The following KSR2 variants were observed in gnomAD, a reference collection of about 807,000 sequenced individuals.
KSR2 encodes the protein kinase suppressor of ras 2.
KSR2 carries 25 observed loss-of-function variants against 107.8 expected under a neutral mutation model. That is an observed-to-expected ratio of 0.23 (90% CI 0.17 to 0.32). The LOEUF (loss-of-function observed/expected upper bound fraction) is 0.32. Among genes scored for constraint, KSR2 ranks in the 10% least tolerant of loss-of-function variants. The pLI is 1.00. For missense variants in KSR2, 887 were observed against 1,268.9 expected (o/e 0.70, Z 4.57); for synonymous variants, 480 against 507.0 (o/e 0.95, Z 0.71).
At chr12:117,699,931 G>A (rs1886234397) in intron 4 of KSR2, among the ~76,000 whole-genome samples, 1 of 152,036 alleles carries the variant, frequency 6.6e-6, no homozygotes, top group Non-Finnish European at 1.5e-5. Context: ...GGAGTGCAGT[G>A]GCGCGACCTT....
At chr12:117,778,391 GA>G (rs1889769899) in intron 3 of KSR2, among the ~76,000 whole-genome samples, 1 of 152,120 alleles carries the variant, frequency 6.6e-6, no homozygotes, top group Admixed American at 6.6e-5. Flanking sequence ...GCACCCGGCC[GA>G]AACAATCCTT....
intron 5 of KSR2, among the ~76,000 whole-genome samples, chr12:117,586,594 A>AAG (rs1880007107): frequency 1.3e-5 from 2 of 149,174 alleles, no homozygotes; most frequent in South Asian, 2.2e-4. Flanking sequence ...AAAAAAAAAA[A>AAG]AAGAAGAAGA....
chr12:117,539,885 G>A lies in KSR2; in HGVS notation c.1521C>T (p.Asp507=). The change falls in exon 10 of 20, where the codon GAC becomes GAT. Residue 507 remains aspartate, a splice_region_variant and synonymous_variant. Coordinates refer to ENST00000339824, the MANE Select transcript of KSR2 (RefSeq NM_173598.6). ...CTGGCTGGTAAGGGACAGGGATGTG[G>A]TCCTGCAGAGAGAAAACAGGGTAGG... ...TLPKTNKINK[D]HIPVPYQPDS... 6.2e-7 allele frequency: 1 copy of A among 1,600,254 alleles called. No homozygotes were observed. Among genetic ancestry groups the A allele is most frequent in the Admixed American group, 1.8e-5 (1 of 56,988 alleles).
rs1555212829 is a variant in KSR2 at position 117,527,304 on chromosome 12, C to CACACAG, written c.1803-186_1803-185insCTGTGT. 8.6e-3 allele frequency among the ~76,000 whole-genome samples: 1,067 copies of CACACAG among 124,346 alleles called. 19 individuals are homozygous for CACACAG. Among genetic ancestry groups the CACACAG allele is most frequent in the African/African-American group, 0.046 (1,019 of 22,076 alleles). The allele number at this position is 124,346 out of a possible 152,430, so 81.6% of individuals were successfully genotyped here. A position where few individuals can be genotyped will look rare whatever the true frequency, so the allele number is the denominator to read the frequency against. ...CGACACACACACACACACACACAGA[C>CACACAG]ACACACACACACACACACACAGACA... On this transcript the variant is annotated intron_variant, in intron 12 of 19. Transcript: ENST00000339824.
At chr12:117,637,114 C>T (rs1453175946) in intron 5 of KSR2, among the ~76,000 whole-genome samples, 2 of 150,470 alleles carry the variant, frequency 1.3e-5, no homozygotes, top group Non-Finnish European at 3.0e-5. Flanking sequence ...CATCTCCTCA[C>T]CTTCTTGGCA....
At chr12:117,793,973 A>T (rs1158819490) in intron 3 of KSR2, among the ~76,000 whole-genome samples, 5 of 126,380 alleles carry the variant, frequency 4.0e-5, no homozygotes, top group Admixed American at 1.6e-4. Context: ...ACATGCACAC[A>T]CACCATGCAC....
chr12:117,729,308 A>G (rs1271492720), intron 4 of KSR2, among the ~76,000 whole-genome samples: 1 of 152,172 alleles, frequency 6.6e-6, no homozygotes, highest in Non-Finnish European at 1.5e-5. Flanking sequence ...AAGGGACCAC[A>G]TGAATTTACA....
intron 5 of KSR2, among the ~76,000 whole-genome samples, chr12:117,650,709 C>T (rs1227373549): frequency 6.6e-6 from 1 of 152,116 alleles, no homozygotes; most frequent in African/African-American, 2.4e-5. Context: ...ATACCTTTGA[C>T]CATATTTGGA....
chr12:117,509,986 G>C (rs1873929876), intron 14 of KSR2, among the ~76,000 whole-genome samples: 1 of 152,206 alleles, frequency 6.6e-6, no homozygotes, highest in African/African-American at 2.4e-5. Context: ...TCATCACTCA[G>C]TCTCAGAGCA....
intron 1 of KSR2, among the ~76,000 whole-genome samples, chr12:117,884,098 C>T (rs1295721542): frequency 2.0e-5 from 3 of 152,116 alleles, no homozygotes. Flanking sequence ...GCCAATGTCA[C>T]TGTGCCCATC....
rs759651433 is a variant in KSR2, at chr12:117,525,197, G to A, written c.1874C>T (p.Ala625Val). 21 of 1,608,936 alleles carry A rather than the reference G, an allele frequency of 1.3e-5. No homozygotes were observed. Among genetic ancestry groups the A allele is most frequent in the Non-Finnish European group, 1.8e-5 (21 of 1,176,716 alleles). The change falls in exon 14 of 20, where the codon GCC becomes GTC. Residue 625 changes from alanine (A) to valine (V), a missense_variant. Ala to Val is a moderately conservative substitution (Grantham distance 64). Coordinates refer to ENST00000339824, the MANE Select transcript of KSR2 (RefSeq NM_173598.6). ...TSENEEVHDEAEESEDDFEEM... is the reference protein window; with the variant it reads ...TSENEEVHDEVEESEDDFEEM... ...CTCGAAGTCATCCTCTGACTCTTCGGCCTCATCATGGACCTCTTCATTCTG... is the reference window on the plus strand; with the variant it reads ...CTCGAAGTCATCCTCTGACTCTTCGACCTCATCATGGACCTCTTCATTCTG...
chr12:117,734,567 T>C (rs1471705908), intron 4 of KSR2, among the ~76,000 whole-genome samples: 1 of 152,124 alleles, frequency 6.6e-6, no homozygotes, highest in Non-Finnish European at 1.5e-5. Context: ...GCCCCATCGC[T>C]CCCTCTTAAT....
rs537149289 is a variant in KSR2, at chr12:117,581,026, C to A, written c.1241+1264G>T. 3.4e-3 allele frequency among the ~76,000 whole-genome samples: 513 copies of A among 152,332 alleles called. 4 individuals carry two copies. Among genetic ancestry groups the A allele is most frequent in the African/African-American group, 0.012 (492 of 41,566 alleles). On this transcript the variant is annotated intron_variant, in intron 6 of 19. Transcript: ENST00000339824. Reference sequence around the variant, plus strand: ...GAGGAGGAAAATACAAAAAAAGGCCCTTGTCTTTGATGCCTTTCTCTCTGC... The same window carrying A: ...GAGGAGGAAAATACAAAAAAAGGCCATTGTCTTTGATGCCTTTCTCTCTGC...
At chr12:117,494,884 T>G (rs1024462106) in intron 14 of KSR2, among the ~76,000 whole-genome samples, 2 of 152,122 alleles carry the variant, frequency 1.3e-5, no homozygotes, top group African/African-American at 4.8e-5. Flanking sequence ...GGGAGAGAAC[T>G]CCAAGCTGGG....
chr12:117,840,100 AT>A (rs60718801), intron 3 of KSR2, among the ~76,000 whole-genome samples: 2,510 of 133,112 alleles, frequency 0.019, 74 homozygotes, highest in African/African-American at 0.068. Context: ...ACTTTATTTT[AT>A]TTTATTTTTT....
Position 117,463,928 on chromosome 12 carries a change from T to C in KSR2, c.*3271A>G, listed in dbSNP as rs1398027111. 5.3e-5 allele frequency: 8 copies of C among 152,214 alleles called. No individual in the cohort carries two copies. The highest frequency in any genetic ancestry group is 1.2e-4 in the Non-Finnish European group (8 of 68,056). 9.4% of individuals were successfully genotyped at this position (152,214 alleles called of 1,614,324 possible). On this transcript the variant is annotated 3_prime_UTR_variant, in exon 20 of 20. Transcript: ENST00000339824. ...GGTCAATATCAGTCAAGGGCTTCTA[T>C]TGACTGACAATCCAAGGTAGCTGTG...
chr12:117,471,524 T>C (rs983836904), intron 17 of KSR2, among the ~76,000 whole-genome samples: 1 of 152,184 alleles, frequency 6.6e-6, no homozygotes, highest in African/African-American at 2.4e-5. Context: ...TCCCAGGATA[T>C]CTTCTAATGA....
At chr12:117,936,533 T>TTAGTAG (rs60536021) in intron 1 of KSR2, among the ~76,000 whole-genome samples, 328 of 119,666 alleles carry the variant, frequency 2.7e-3, no homozygotes, top group African/African-American at 3.3e-3. Flanking sequence ...ATTATTATTA[T>TTAGTAG]TAGTAGTAGT....
At chr12:117,668,389 C>T (rs10431397) in intron 4 of KSR2, among the ~76,000 whole-genome samples, 9,184 of 152,232 alleles carry the variant, frequency 0.06, 667 homozygotes, top group African/African-American at 0.17. Flanking sequence ...AGGGAGGGTG[C>T]TCCACCAGAT....
Sources: gnomAD v4.1 joint callset for allele counts (sites outside exome capture counted in the v4.1 genomes callset) on GRCh38, gnomAD v4.1.1 for gene constraint, MANE v1.5 for transcripts, NCBI Gene and HGNC (gene_info 2026-07-23, HGNC 2026-07-21) for gene names.